The following ZNF487 variants were observed in gnomAD, a reference collection of about 807,000 sequenced individuals.
ZNF487 encodes the protein zinc finger protein 487.
In ZNF487, 4 loss-of-function variants were observed where a neutral mutation model predicts 3.0. The ratio of observed to expected loss-of-function variants is 1.35; its 90% CI spans 0.66 to 3.08. The LOEUF (loss-of-function observed/expected upper bound fraction) is 3.08, where lower values mean the gene tolerates loss of function less well. ZNF487 is among the 30% of genes most tolerant of loss of function. ZNF487 has a pLI of 0.01. For missense variants in ZNF487, 146 were observed against 98.7 expected (o/e 1.48, Z -2.03); for synonymous variants, 55 against 34.6 (o/e 1.59, Z -2.06).
the ZNF487 span, among the ~76,000 whole-genome samples, chr10:43,505,053 A>C: frequency 6.6e-6 from 1 of 151,482 alleles, no homozygotes; most frequent in Non-Finnish European, 1.5e-5. Flanking sequence ...GTGTTGCTCA[A>C]GCTGGAGTGC....
At chr10:43,460,048 C>T (rs914793910) in intron 1 of ZNF487, among the ~76,000 whole-genome samples, 13 of 151,754 alleles carry the variant, frequency 8.6e-5, no homozygotes, top group South Asian at 2.1e-4. Context: ...ATGATCTGCC[C>T]GCCTTGGCCT....
At chr10:43,500,313 C>T in the ZNF487 span, among the ~76,000 whole-genome samples, 1 of 151,986 alleles carries the variant, frequency 6.6e-6, no homozygotes, top group African/African-American at 2.4e-5. Flanking sequence ...CCTGGCCACA[C>T]CAGTCATCTT....
At chr10:43,517,125 A>C in the ZNF487 span, among the ~76,000 whole-genome samples, 5 of 152,228 alleles carry the variant, frequency 3.3e-5, no homozygotes, top group African/African-American at 1.2e-4. Flanking sequence ...AGGACATACA[A>C]GTACTGAAAA....
At chr10:43,472,055 T>A (rs1207137024) in intron 1 of ZNF487, among the ~76,000 whole-genome samples, 1 of 152,186 alleles carries the variant, frequency 6.6e-6, no homozygotes, top group East Asian at 1.9e-4. Flanking sequence ...TGCCCCTATT[T>A]ACCTTGGCAT....
At chr10:43,441,907 A>C (rs150642690) in intron 1 of ZNF487, among the ~76,000 whole-genome samples, 17 of 152,228 alleles carry the variant, frequency 1.1e-4, no homozygotes, top group African/African-American at 4.1e-4. Context: ...TTTACATATA[A>C]ATTTTAGAAT....
At chr10:43,491,118 C>T in the ZNF487 span, among the ~76,000 whole-genome samples, 19 of 150,794 alleles carry the variant, frequency 1.3e-4, no homozygotes, top group Non-Finnish European at 2.4e-4. Context: ...AGACATGTGC[C>T]ACTATGCCTG....
At chr10:43,460,653 G>A (rs1460141321) in intron 1 of ZNF487, among the ~76,000 whole-genome samples, 1 of 150,938 alleles carries the variant, frequency 6.6e-6, no homozygotes, top group Non-Finnish European at 1.5e-5. Context: ...GAGACTACAG[G>A]TATGAGCCAC....
chr10:43,464,252 T>C (rs1191823064), intron 1 of ZNF487, among the ~76,000 whole-genome samples: 3 of 151,902 alleles, frequency 2.0e-5, no homozygotes, highest in Non-Finnish European at 4.4e-5. Flanking sequence ...GGCATGATCT[T>C]GGCTCACTGA....
At chr10:43,442,690 G>A (rs984779244) in intron 1 of ZNF487, among the ~76,000 whole-genome samples, 2 of 152,030 alleles carry the variant, frequency 1.3e-5, no homozygotes, top group South Asian at 2.1e-4. Context: ...TGATCCACCC[G>A]CCTTAGCCTC....
At chr10:43,499,588 A>T in the ZNF487 span, among the ~76,000 whole-genome samples, 1 of 151,834 alleles carries the variant, frequency 6.6e-6, no homozygotes, top group East Asian at 1.9e-4. Context: ...CCATTTCTAT[A>T]AAAAATACAA....
chr10:43,479,971 T>TTTC lies in ZNF487; in HGVS notation c.131-1456_131-1455insCTT, dbSNP rs1184173278. 1.8e-3 allele frequency among the ~76,000 whole-genome samples: 225 copies of TTTC among 125,190 alleles called. 5 individuals are homozygous for TTTC. The highest frequency in any genetic ancestry group is 8.7e-3 in the South Asian group (33 of 3,778). The allele number at this position is 125,190 out of a possible 152,430, so 82.1% of individuals were successfully genotyped here. A position where few individuals can be genotyped will look rare whatever the true frequency, so the allele number is the denominator to read the frequency against. ...GCACCTGACTCTCTTTCTTTCTTTCTTTTCTTTCTTTCCTTCTTTCTTTCT... is the reference window on the plus strand; with the variant it reads ...GCACCTGACTCTCTTTCTTTCTTTCTTTCTTTCTTTCTTTCCTTCTTTCTTTCT... On this transcript the variant is annotated intron_variant, in intron 3 of 3. Coordinates refer to ENST00000437590, the MANE Select transcript of ZNF487 (RefSeq NM_001355444.3).
At chr10:43,504,423 A>G in the ZNF487 span, among the ~76,000 whole-genome samples, 1 of 149,822 alleles carries the variant, frequency 6.7e-6, no homozygotes, top group Non-Finnish European at 1.5e-5. Flanking sequence ...CTTCCCAAGT[A>G]GCTGGGATTG....
At chr10:43,498,282 C>CT in the ZNF487 span, among the ~76,000 whole-genome samples, 1 of 89,570 alleles carries the variant, frequency 1.1e-5, no homozygotes, top group South Asian at 4.0e-4. Context: ...ATATTTTTTT[C>CT]TTTTTTCTTT....
At chr10:43,474,294 A>C (rs765730924) in intron 1 of ZNF487, among the ~76,000 whole-genome samples, 1 of 151,946 alleles carries the variant, frequency 6.6e-6, no homozygotes, top group African/African-American at 2.4e-5. Flanking sequence ...TCTCTACTAA[A>C]AATACAAAAA....
the ZNF487 span, among the ~76,000 whole-genome samples, chr10:43,510,036 A>G: frequency 6.6e-6 from 1 of 152,220 alleles, no homozygotes; most frequent in Non-Finnish European, 1.5e-5. Context: ...ATACTATTAC[A>G]TAAAGTTAAC....
At chr10:43,507,260 C>G in the ZNF487 span, among the ~76,000 whole-genome samples, 1 of 152,202 alleles carries the variant, frequency 6.6e-6, no homozygotes, top group Non-Finnish European at 1.5e-5. Context: ...CACTGGCTAC[C>G]TGGGGGAGCT....
chr10:43,459,927 G>T (rs1044592068), intron 1 of ZNF487, among the ~76,000 whole-genome samples: 40 of 151,468 alleles, frequency 2.6e-4, no homozygotes, highest in Middle Eastern at 3.4e-3. Flanking sequence ...TCAGCCTCCC[G>T]AGTAGCTGGG....
intron 1 of ZNF487, chr10:43,451,882 T>C (rs1227935979): frequency 1.3e-5 from 2 of 152,236 alleles, no homozygotes; most frequent in Non-Finnish European, 2.9e-5. Context: ...ACCATTATTA[T>C]GGGAGCACTT....
At chr10:43,505,033 G>A in the ZNF487 span, among the ~76,000 whole-genome samples, 1 of 151,466 alleles carries the variant, frequency 6.6e-6, no homozygotes, top group African/African-American at 2.4e-5. Flanking sequence ...TAAAGAGATG[G>A]AGTATTGCTG....
Sources: gnomAD v4.1 joint callset for allele counts (sites outside exome capture counted in the v4.1 genomes callset) on GRCh38, gnomAD v4.1.1 for gene constraint, MANE v1.5 for transcripts, NCBI Gene and HGNC (gene_info 2026-07-23, HGNC 2026-07-21) for gene names.